Variants in LRP6 observed in about 807,000 individuals in gnomAD.
LRP6 encodes LDL receptor related protein 6.
In LRP6, 43 loss-of-function variants were observed where a neutral mutation model predicts 184.1. That is an observed-to-expected ratio of 0.23 (90% CI 0.18 to 0.30). The LOEUF (loss-of-function observed/expected upper bound fraction) is 0.30. Ranked by LOEUF, LRP6 falls within the 10% of genes least tolerant of loss-of-function variation. The pLI, the probability that LRP6 is intolerant of heterozygous loss-of-function variation, is 1.00. For synonymous variants in LRP6, 719 were observed against 684.9 expected, an observed-to-expected ratio of 1.05 and a Z score of -0.78; for missense variants, 1,571 against 2,005.3, an observed-to-expected ratio of 0.78 and a Z score of 4.14.
intron 16 of LRP6, among the ~76,000 whole-genome samples, chr12:12,137,334 C>T (rs535832497): frequency 6.6e-6 from 1 of 152,248 alleles, no homozygotes; most frequent in South Asian, 2.1e-4. Context: ...TTATTCCTCT[C>T]TATGATTAGG....
At chr12:12,171,126 C>T (rs765110411) in intron 7 of LRP6, among the ~76,000 whole-genome samples, 2 of 152,192 alleles carry the variant, frequency 1.3e-5, no homozygotes, top group African/African-American at 2.4e-5. Flanking sequence ...TATACTCTGA[C>T]ATTTTCCATA....
chr12:12,209,473 T>G (rs115501399), intron 2 of LRP6, among the ~76,000 whole-genome samples: 2 of 152,110 alleles, frequency 1.3e-5, no homozygotes. Context: ...CTACAATAAG[T>G]GAAACTAAGG....
At chr12:12,193,573 T>C (rs944381891) in intron 3 of LRP6, among the ~76,000 whole-genome samples, 2 of 151,374 alleles carry the variant, frequency 1.3e-5, no homozygotes, top group Non-Finnish European at 3.0e-5. Flanking sequence ...CTTACAGAAA[T>C]TAAAAGGATT....
intron 4 of LRP6, among the ~76,000 whole-genome samples, chr12:12,186,623 G>T (rs1044255540): frequency 5.4e-5 from 8 of 147,738 alleles, no homozygotes; most frequent in East Asian, 2.0e-4. Flanking sequence ...CATATGATCT[G>T]CCTGCTTCAG....
chr12:12,178,787 A>G (rs1863259111), intron 7 of LRP6, among the ~76,000 whole-genome samples: 1 of 152,222 alleles, frequency 6.6e-6, no homozygotes, highest in South Asian at 2.1e-4. Flanking sequence ...CAAGAACAAC[A>G]GATGCCGTTT....
intron 16 of LRP6, among the ~76,000 whole-genome samples, chr12:12,137,789 C>T (rs1161174691): frequency 1.3e-5 from 2 of 152,012 alleles, no homozygotes; most frequent in African/African-American, 4.8e-5. Context: ...AGGCAAGACC[C>T]ATGCCTTTCC....
Position 12,181,113 on chromosome 12 carries a change from T to C in LRP6, c.1303A>G (p.Thr435Ala), listed in dbSNP as rs1456178984. Residue 435 changes from threonine to alanine, a missense_variant, in exon 6 of 23, where the codon ACC becomes GCC. Coordinates refer to ENST00000261349, the MANE Select transcript of LRP6 (RefSeq NM_002336.3). ...DRIEVTRLNG[T>A]MRKILISEDL... ...TCTGAAATCAAGATCTTCCTCATGG[T>C]CCCATTGAGCCTTGTCACTTCTATT... 6.2e-7 allele frequency: 1 copy of C among 1,613,980 alleles called. No homozygotes were observed. The highest frequency in any genetic ancestry group is 2.2e-5 in the East Asian group (1 of 44,896).
Position 12,179,822 on chromosome 12 carries a change from T to C in LRP6, c.1533A>G (p.Thr511=), listed in dbSNP as rs1368110900. ...EGKIYWGDAK[T]DKIEVMNTDG... ...GCAAAAAACAAACCTCAATCTTGTC[T>C]GTTTTGGCATCTCCCCAGTATATTT... is the stretch of plus-strand genomic sequence containing the variant. Residue 511 remains threonine, a synonymous_variant, in exon 7 of 23, where the codon ACA becomes ACG. Coordinates refer to ENST00000261349, the MANE Select transcript of LRP6 (RefSeq NM_002336.3). 1 of 1,613,700 alleles carries C rather than the reference T, an allele frequency of 6.2e-7. No individual in the cohort carries two copies. Among genetic ancestry groups the C allele is most frequent in the Non-Finnish European group, 8.5e-7 (1 of 1,179,800 alleles).
chr12:12,261,940 C>T (rs1455504924), intron 1 of LRP6, among the ~76,000 whole-genome samples: 2 of 152,116 alleles, frequency 1.3e-5, no homozygotes, highest in Non-Finnish European at 2.9e-5. Context: ...TATAACAAGC[C>T]TCCTCAAAAA....
intron 7 of LRP6, among the ~76,000 whole-genome samples, chr12:12,171,740 C>T (rs985413745): frequency 1.3e-5 from 2 of 152,056 alleles, no homozygotes; most frequent in African/African-American, 4.8e-5. Context: ...TGTTTCCTTC[C>T]ATTACTTTTG....
At chr12:12,190,398 C>T (rs1311099804) in intron 3 of LRP6, among the ~76,000 whole-genome samples, 1 of 152,094 alleles carries the variant, frequency 6.6e-6, no homozygotes, top group African/African-American at 2.4e-5. Flanking sequence ...AACTGGGGAC[C>T]ACAGAAAAGA....
intron 2 of LRP6, among the ~76,000 whole-genome samples, chr12:12,225,975 A>T (rs1864613454): frequency 6.6e-6 from 1 of 152,142 alleles, no homozygotes; most frequent in Non-Finnish European, 1.5e-5. Context: ...CCCTCAAGAA[A>T]ATCCATCTTA....
At chr12:12,244,028 G>A (rs757370630) in intron 2 of LRP6, among the ~76,000 whole-genome samples, 1 of 152,114 alleles carries the variant, frequency 6.6e-6, no homozygotes, top group Non-Finnish European at 1.5e-5. Context: ...ACAGTGCAGT[G>A]AGCTTTGATT....
At chr12:12,156,010 T>G (rs1218559767) in intron 12 of LRP6, among the ~76,000 whole-genome samples, 2 of 152,050 alleles carry the variant, frequency 1.3e-5, no homozygotes, top group Non-Finnish European at 2.9e-5. Flanking sequence ...TGTTGCTTCA[T>G]GGAGTTTATA....
Position 12,184,087 on chromosome 12 carries a change from T to C in LRP6, c.869A>G (p.Asn290Ser), listed in dbSNP as rs766488260. Residue 290 changes from asparagine (N) to serine (S), a missense_variant, in exon 5 of 23, where the codon AAT (asparagine) becomes AGT (serine). Asn to Ser is a conservative substitution (Grantham distance 46). Transcript: ENST00000261349. ...PNATNPCGIDNGGCSHLCLMS... is the reference protein window; with the variant it reads ...PNATNPCGIDSGGCSHLCLMS... ...CAAACACAAATGGGAACAACCCCCA[T>C]TGTCAATTCCACATGGATTTGTGGC... 5.0e-6 allele frequency: 8 copies of C among 1,613,670 alleles called. No homozygotes were observed. The highest frequency in any genetic ancestry group is 1.1e-5 in the South Asian group (1 of 91,082).
chr12:12,137,603 T>A (rs914158642), intron 16 of LRP6, among the ~76,000 whole-genome samples: 4 of 152,208 alleles, frequency 2.6e-5, no homozygotes, highest in Admixed American at 2.0e-4. Flanking sequence ...TAACCCATTA[T>A]AACTATATTC....
intron 7 of LRP6, among the ~76,000 whole-genome samples, chr12:12,167,272 T>G (rs1485264354): frequency 6.6e-6 from 1 of 152,164 alleles, no homozygotes; most frequent in Non-Finnish European, 1.5e-5. Flanking sequence ...CAAACAGTAT[T>G]GTGGCAGAAA....
chr12:12,229,247 G>C (rs1326845910), intron 2 of LRP6, among the ~76,000 whole-genome samples: 1 of 151,984 alleles, frequency 6.6e-6, no homozygotes, highest in African/African-American at 2.4e-5. Flanking sequence ...GCACATGCCT[G>C]TAATCCCAGC....
At chr12:12,258,199 C>CT (rs1314206612) in intron 1 of LRP6, among the ~76,000 whole-genome samples, 3 of 152,070 alleles carry the variant, frequency 2.0e-5, no homozygotes, top group African/African-American at 7.2e-5. Context: ...TCACTGTAGC[C>CT]TTGAGTTCCT....
Sources: gnomAD v4.1 joint callset for allele counts (sites outside exome capture counted in the v4.1 genomes callset) on GRCh38, gnomAD v4.1.1 for gene constraint, MANE v1.5 for transcripts, NCBI Gene and HGNC (gene_info 2026-07-23, HGNC 2026-07-21) for gene names.